LRRC7: variants seen among roughly 807,000 people sequenced by gnomAD.
The protein encoded by LRRC7 is leucine-rich repeat-containing protein 7.
LRRC7 carries 23 observed loss-of-function variants against 175.7 expected under a neutral mutation model. That is an observed-to-expected ratio of 0.13 (90% CI 0.09 to 0.19). The LOEUF is 0.19. LRRC7 is among the 10% of genes least tolerant of loss of function. The pLI is 1.00. For missense variants in LRRC7, 1,354 were observed against 1,904.7 expected, an observed-to-expected ratio of 0.71 and a Z score of 5.38; for synonymous variants, 685 against 680.9, an observed-to-expected ratio of 1.01 and a Z score of -0.09.
intron 23 of LRRC7, among the ~76,000 whole-genome samples, chr1:70,068,907 G>A (rs535723242): frequency 2.8e-4 from 42 of 152,066 alleles, no homozygotes; most frequent in Admixed American, 9.8e-4. Context: ...TTTTAGAGAT[G>A]GAGTCTTACT....
At chr1:69,991,281 G>A (rs759438668) in intron 10 of LRRC7, among the ~76,000 whole-genome samples, 5 of 152,114 alleles carry the variant, frequency 3.3e-5, no homozygotes, top group Admixed American at 1.3e-4. Flanking sequence ...GAAGAAGTCA[G>A]CATGTAATAG....
intron 4 of LRRC7, among the ~76,000 whole-genome samples, chr1:69,807,404 C>T (rs1327046392): frequency 1.3e-5 from 2 of 152,086 alleles, no homozygotes; most frequent in Non-Finnish European, 1.5e-5. Context: ...ATGGTCTTTA[C>T]ATTTTGGCAT....
intron 1 of LRRC7, among the ~76,000 whole-genome samples, chr1:69,673,884 T>A (rs568087744): frequency 5.6e-4 from 85 of 152,216 alleles, no homozygotes; most frequent in African/African-American, 1.9e-3. Flanking sequence ...ACTTAAAATG[T>A]CACTGATGGA....
In LRRC7 at chr1:70,127,585, C is replaced by T. The variant is rs909522883; in HGVS notation, c.*5698C>T. Among the ~76,000 whole-genome samples, 1 of 152,128 alleles carries T rather than the reference C, an allele frequency of 6.6e-6. No homozygotes were observed. Among genetic ancestry groups the T allele is most frequent in the African/African-American group, 2.4e-5 (1 of 41,420 alleles). On this transcript the variant is annotated 3_prime_UTR_variant, in exon 27 of 27. Coordinates refer to ENST00000651989, the MANE Select transcript of LRRC7 (RefSeq NM_001370785.2). ...ATTTCTTCAGCTGGTAGAGTCTTCC[C>T]AGTTGGGTTCTGAGCTCATGCTCTT...
At chr1:69,908,925 A>C (rs576786987) in intron 7 of LRRC7, among the ~76,000 whole-genome samples, 47 of 151,880 alleles carry the variant, frequency 3.1e-4, no homozygotes, top group Admixed American at 9.2e-4. Context: ...GTAGGTCACT[A>C]AGGACTTGCT....
At chr1:69,868,305 A>G (rs567156736) in intron 7 of LRRC7, among the ~76,000 whole-genome samples, 36 of 152,242 alleles carry the variant, frequency 2.4e-4, no homozygotes, top group African/African-American at 7.9e-4. Context: ...TAATGCTCAC[A>G]TTAGGGTTAA....
rs1014559394 is a variant in LRRC7 at position 70,131,669 on chromosome 1, G to C, written c.*9782G>C. Among the ~76,000 whole-genome samples, 2 of 152,074 alleles carry C rather than the reference G, an allele frequency of 1.3e-5. No homozygotes were observed. The highest frequency in any genetic ancestry group is 6.5e-5 in the Admixed American group (1 of 15,272). On this transcript the variant is annotated 3_prime_UTR_variant, in exon 27 of 27. Coordinates refer to ENST00000651989, the MANE Select transcript of LRRC7 (RefSeq NM_001370785.2). ...TTTGATTTAGAAAGATTTAGATAAA[G>C]TCATAGTATATCTTGAAGGAAACAG...
At position 69,792,091 on chromosome 1, in the gene LRRC7, G is replaced by T; in HGVS notation, c.352G>T (p.Asp118Tyr). Residue 118 changes from aspartate to tyrosine, a missense_variant, in exon 4 of 27, where the codon GAC becomes TAC. Asp to Tyr is a radical substitution (Grantham distance 160). Coordinates refer to ENST00000651989, the MANE Select transcript of LRRC7 (RefSeq NM_001370785.2). ...ACGAAAACTAAGTATTCCTGATAACGACCTTTCAAATCTGCCAACCACTAT... is the reference window on the plus strand; with the variant it reads ...ACGAAAACTAAGTATTCCTGATAACTACCTTTCAAATCTGCCAACCACTAT... ...ALRKLSIPDN[D>Y]LSNLPTTIAS... 1 of 1,610,772 alleles carries T rather than the reference G, an allele frequency of 6.2e-7. No homozygotes were observed. Among genetic ancestry groups the T allele is most frequent in the South Asian group, 1.1e-5 (1 of 90,776 alleles).
chr1:69,628,189 G>A (rs546436296), intron 1 of LRRC7, among the ~76,000 whole-genome samples: 5 of 152,078 alleles, frequency 3.3e-5, no homozygotes, highest in African/African-American at 9.7e-5. Flanking sequence ...AAGAAAGAAC[G>A]AAAATTGTCT....
At position 69,574,071 on chromosome 1, in the gene LRRC7, A is replaced by C. The variant is rs543550068; in HGVS notation, c.2+5430A>C. 2.6e-5 allele frequency among the ~76,000 whole-genome samples: 4 copies of C among 152,214 alleles called. No homozygotes were observed. The East Asian group carries it at 7.7e-4, about 29-fold the overall frequency. On this transcript the variant is annotated intron_variant, in intron 1 of 26. Transcript: ENST00000651989. The stretch of plus-strand genomic sequence containing the variant: ...AAGGTAGTATCATAACAAATGGCTT[A>C]AGTTAAAAACAGTGGAACTCTAGGA...
Position 69,604,571 on chromosome 1 carries a change from C to G in LRRC7, c.2+35930C>G, listed in dbSNP as rs1385442459. Among the ~76,000 whole-genome samples, 3 of 152,138 alleles carry G rather than the reference C, an allele frequency of 2.0e-5. 1 individual carries two copies. Among genetic ancestry groups the G allele is most frequent in the Non-Finnish European group, 4.4e-5 (3 of 68,018 alleles). On this transcript the variant is annotated intron_variant, in intron 1 of 26. Transcript: ENST00000651989. ...CTATTGGATTAGCTCTAGCAGAGAA[C>G]AGAACCCCAAGAGAGTAACACACAT...
intron 1 of LRRC7, among the ~76,000 whole-genome samples, chr1:69,616,576 C>G (rs1649657641): frequency 6.6e-6 from 1 of 151,936 alleles, no homozygotes; most frequent in Non-Finnish European, 1.5e-5. Context: ...GGCTTGATGA[C>G]TTGATACATT....
intron 8 of LRRC7, among the ~76,000 whole-genome samples, chr1:69,974,379 T>G (rs1334771346): frequency 2.0e-5 from 3 of 152,164 alleles, no homozygotes; most frequent in Non-Finnish European, 2.9e-5. Flanking sequence ...GATAAGAAAG[T>G]TTTTGAGGTG....
intron 3 of LRRC7, among the ~76,000 whole-genome samples, chr1:69,788,937 T>C (rs1674803000): frequency 6.6e-6 from 1 of 152,236 alleles, no homozygotes; most frequent in Non-Finnish European, 1.5e-5. Context: ...GGCTCAAGTA[T>C]AGTTGTTTCC....
rs570121184 is a variant in LRRC7 at position 70,010,853 on chromosome 1, A to C, written c.1005-944A>C. ...TGATAATTTCAATGTACATCTATAC[A>C]ATTCCTTTCTGTAGATCTGAAGTAA... On this transcript the variant is annotated intron_variant, in intron 11 of 26. Transcript: ENST00000651989. Among the ~76,000 whole-genome samples, 18 of 152,236 alleles carry C rather than the reference A, an allele frequency of 1.2e-4. No individual in the cohort carries two copies. In the South Asian group the frequency reaches 1.7e-3, roughly 14 times the overall value.
chr1:69,918,592 A>T (rs886948382), intron 7 of LRRC7, among the ~76,000 whole-genome samples: 12 of 152,294 alleles, frequency 7.9e-5, no homozygotes, highest in Middle Eastern at 3.4e-3. Flanking sequence ...GTAAGTGAAG[A>T]CAGTCAAACT....
intron 24 of LRRC7, among the ~76,000 whole-genome samples, chr1:70,085,094 T>C (rs1420809102): frequency 6.6e-6 from 1 of 152,140 alleles, no homozygotes; most frequent in African/African-American, 2.4e-5. Context: ...TCTGTGGGTT[T>C]TCTTTTCACT....
At chr1:69,893,776 A>T (rs1344328704) in intron 7 of LRRC7, among the ~76,000 whole-genome samples, 1 of 151,896 alleles carries the variant, frequency 6.6e-6, no homozygotes, top group Non-Finnish European at 1.5e-5. Flanking sequence ...GAGATTTTTT[A>T]ATTTAATTTT....
At chr1:69,725,165 C>T (rs996788535) in intron 2 of LRRC7, among the ~76,000 whole-genome samples, 2 of 151,864 alleles carry the variant, frequency 1.3e-5, no homozygotes, top group Admixed American at 6.6e-5. Flanking sequence ...TTTAAAAAAT[C>T]GTAAAGAAGA....
Sources: gnomAD v4.1 joint callset for allele counts (sites outside exome capture counted in the v4.1 genomes callset) on GRCh38, gnomAD v4.1.1 for gene constraint, MANE v1.5 for transcripts, NCBI Gene and HGNC (gene_info 2026-07-23, HGNC 2026-07-21) for gene names.